The following PIP variants were observed in gnomAD, a reference collection of about 807,000 sequenced individuals.
The protein encoded by PIP is prolactin induced protein.
In PIP, 9 loss-of-function variants were observed where a neutral mutation model predicts 12.8. The observed-to-expected ratio is 0.70, with a 90% CI of 0.42 to 1.23. PIP has a LOEUF of 1.23. Among genes scored for constraint, PIP ranks in the 50% most tolerant of loss-of-function variants. The pLI is 0.00. For missense variants in PIP, 172 were observed against 179.5 expected, an observed-to-expected ratio of 0.96 and a Z score of 0.24; for synonymous variants, 60 against 66.1, an observed-to-expected ratio of 0.91 and a Z score of 0.45.
chr7:143,132,082 T>G lies in PIP; in HGVS notation c.-35T>G, dbSNP rs1435094949. On this transcript the variant is annotated 5_prime_UTR_variant, in exon 1 of 4. Transcript: ENST00000291009. ...ATGTGCTGGGCACCTGGGACACCAC[T>G]TCTCTGGGACACATTGCCTTCTGTT... 2.5e-6 allele frequency: 4 copies of G among 1,611,988 alleles called. No individual in the cohort carries two copies. Among genetic ancestry groups the G allele is most frequent in the East Asian group, 4.5e-5 (2 of 44,856 alleles).
At chr7:143,133,761 T>C (rs1799268833) in intron 1 of PIP, among the ~76,000 whole-genome samples, 1 of 152,014 alleles carries the variant, frequency 6.6e-6, no homozygotes, top group Non-Finnish European at 1.5e-5. Flanking sequence ...TCTTCAAAGA[T>C]GCTCCTACAA....
chr7:143,137,141 T>C (rs1799317706), intron 2 of PIP, among the ~76,000 whole-genome samples: 1 of 152,050 alleles, frequency 6.6e-6, no homozygotes, highest in African/African-American at 2.4e-5. Flanking sequence ...ATATAAAGAT[T>C]GCATAATCCT....
At chr7:143,139,276 G>A in intron 3 of PIP, 87 bp downstream of exon 3, 1 of 915,090 alleles carries the variant, frequency 1.1e-6, no homozygotes, top group East Asian at 2.4e-5. Flanking sequence ...TGCGAACCGA[G>A]CAGGACCAGG....
chr7:143,134,233 T>TATATATATATAA (rs1277832613), intron 1 of PIP, among the ~76,000 whole-genome samples: 8 of 86,374 alleles, frequency 9.3e-5, no homozygotes, highest in African/African-American at 2.8e-4. Context: ...TATATATATA[T>TATATATATATAA]ACCACAGTTT....
chr7:143,132,186 G>C lies in PIP; in HGVS notation c.70G>C (p.Gly24Arg). Residue 24 changes from glycine to arginine, a missense_variant, in exon 1 of 4, where the codon GGG (glycine) becomes CGG (arginine). Physicochemically the swap from Gly to Arg is moderately radical, Grantham distance 125. Transcript: ENST00000291009. ...GCTCCTGGTTCTCTGCCTGCAGTTG[G>C]GGGCCAACAAAGCTCAGGACAACAC... ...TLLLVLCLQL[G>R]ANKAQDNTRK... 1 of 1,613,518 alleles carries C rather than the reference G, an allele frequency of 6.2e-7. No homozygotes were observed. Among genetic ancestry groups the C allele is most frequent in the Non-Finnish European group, 8.5e-7 (1 of 1,179,526 alleles).
Position 143,139,655 on chromosome 7 carries a change from C to G in PIP, c.*13C>G. The stretch of plus-strand genomic sequence containing the variant: ...AAAGGTAGAATAATGGAAGCCCTGT[C>G]TGTTTGCCACACCCAGGTGATTTCC... On this transcript the variant is annotated 3_prime_UTR_variant, in exon 4 of 4. Coordinates refer to ENST00000291009, the MANE Select transcript of PIP (RefSeq NM_002652.3). The G allele has an allele frequency of 6.2e-7, 1 of 1,602,192 alleles. No homozygotes were observed. Among genetic ancestry groups the G allele is most frequent in the Non-Finnish European group, 8.5e-7 (1 of 1,170,350 alleles).
At chr7:143,137,843 T>C (rs1347018490) in intron 2 of PIP, among the ~76,000 whole-genome samples, 1 of 150,642 alleles carries the variant, frequency 6.6e-6, no homozygotes, top group Non-Finnish European at 1.5e-5. Flanking sequence ...GAGGTTGCAG[T>C]GAGCCACGTT....
intron 2 of PIP, among the ~76,000 whole-genome samples, chr7:143,138,095 C>T (rs575604795): frequency 6.6e-6 from 1 of 152,070 alleles, no homozygotes; most frequent in Admixed American, 6.6e-5. Flanking sequence ...GGCACTGGGC[C>T]TCAGTCGTGA....
intron 3 of PIP, 58 bp from the exon 4 acceptor site, chr7:143,139,459 GA>G (rs1297884975): frequency 6.3e-7 from 1 of 1,595,510 alleles, no homozygotes; most frequent in Non-Finnish European, 8.6e-7. Flanking sequence ...GATATGAGTA[GA>G]AAAGACAGGA....
Position 143,139,144 on chromosome 7 carries a change from T to C in PIP, c.271T>C (p.Cys91Arg), listed in dbSNP as rs1474024108. The change falls in exon 3 of 4, where the codon TGT becomes CGT. Residue 91 changes from cysteine (C) to arginine (R), a missense_variant. Coordinates refer to ENST00000291009, the MANE Select transcript of PIP (RefSeq NM_002652.3). ...TAACTATAAGTATACTGCCTGCCTA[T>C]GTGACGACAATCCAAAAACCTTCTA... ...AFNYKYTACL[C>R]DDNPKTFYWD... 6 of 1,605,694 alleles carry C rather than the reference T, an allele frequency of 3.7e-6. No homozygotes were observed. Among genetic ancestry groups the C allele is most frequent in the African/African-American group, 2.7e-5 (2 of 74,848 alleles).
intron 1 of PIP, among the ~76,000 whole-genome samples, chr7:143,133,226 TCCA>T (rs1294314914): frequency 6.6e-6 from 1 of 151,914 alleles, no homozygotes; most frequent in Non-Finnish European, 1.5e-5. Context: ...CCCCGCCACC[TCCA>T]CAACCCATTC....
At chr7:143,134,103 A>G (rs915608899) in intron 1 of PIP, among the ~76,000 whole-genome samples, 1 of 148,240 alleles carries the variant, frequency 6.7e-6, no homozygotes, top group Non-Finnish European at 1.5e-5. Context: ...TTCACTTAGA[A>G]TAATAGTCTC....
chr7:143,132,328 C>T, intron 1 of PIP, 117 bp downstream of exon 1: 1 of 1,172,576 alleles, frequency 8.5e-7, no homozygotes, highest in Middle Eastern at 2.0e-4. Flanking sequence ...ACTCTAGTCC[C>T]AGGAGCTCCC....
In PIP at chr7:143,139,696, C is replaced by A. The variant is rs914189279; in HGVS notation, c.*54C>A. 2 of 1,537,688 alleles carry A rather than the reference C, an allele frequency of 1.3e-6. No individual in the cohort carries two copies. Among genetic ancestry groups the A allele is most frequent in the Non-Finnish European group, 1.8e-6 (2 of 1,117,332 alleles). ...GGTGATTTCCTCTAAAGAAACTTGG[C>A]TGGAATTTCTGCTGTGGTCTATAAA... On this transcript the variant is annotated 3_prime_UTR_variant, in exon 4 of 4. Transcript: ENST00000291009.
chr7:143,138,389 T>G (rs896848074), intron 2 of PIP, among the ~76,000 whole-genome samples: 4 of 152,088 alleles, frequency 2.6e-5, no homozygotes, highest in African/African-American at 9.7e-5. Flanking sequence ...GACCCCAGGA[T>G]AAAACTGCTG....
Position 143,132,161 on chromosome 7 carries a change from G to A in PIP, c.45G>A (p.Leu15=). Residue 15 remains leucine (L), a synonymous_variant, in exon 1 of 4, where the codon CTG becomes CTA. Transcript: ENST00000291009. The stretch of plus-strand genomic sequence containing the variant: ...TGTTCAGGGCCAGCCCTGCCACCCT[G>A]CTCCTGGTTCTCTGCCTGCAGTTGG... The part of the protein sequence containing the change: ...QLLFRASPAT[L]LLVLCLQLGA... The A allele has an allele frequency of 1.9e-6, 3 of 1,612,792 alleles. No individual in the cohort carries two copies. Among genetic ancestry groups the A allele is most frequent in the Non-Finnish European group, 2.5e-6 (3 of 1,178,836 alleles).
chr7:143,135,134 C>A, intron 1 of PIP, 60 bp from the exon 2 acceptor site: 1 of 840,374 alleles, frequency 1.2e-6, no homozygotes, highest in Admixed American at 1.9e-5. Context: ...TCATGGCTCC[C>A]CCCTCACTCA....
rs1384823397 is a variant in PIP, at chr7:143,139,671, G to A, written c.*29G>A. 2 of 1,588,064 alleles carry A rather than the reference G, an allele frequency of 1.3e-6. No individual in the cohort carries two copies. The highest frequency in any genetic ancestry group is 2.2e-5 in the East Asian group (1 of 44,450). ...AAGCCCTGTCTGTTTGCCACACCCA[G>A]GTGATTTCCTCTAAAGAAACTTGGC... On this transcript the variant is annotated 3_prime_UTR_variant, in exon 4 of 4. Coordinates refer to ENST00000291009, the MANE Select transcript of PIP (RefSeq NM_002652.3).
chr7:143,139,729 T>G lies in PIP; in HGVS notation c.*87T>G, dbSNP rs1799350028. On this transcript the variant is annotated 3_prime_UTR_variant, in exon 4 of 4. Transcript: ENST00000291009. ...TCTGCTGTGGTCTATAAAATAAACT[T>G]CTTAACATGCTTCTCCATGTTCTGT... The G allele has an allele frequency of 7.7e-7, 1 of 1,293,922 alleles. No homozygotes were observed. Among genetic ancestry groups the G allele is most frequent in the African/African-American group, 1.5e-5 (1 of 67,598 alleles). 80.2% of individuals were successfully genotyped at this position (1,293,922 alleles called of 1,614,324 possible).
Sources: allele counts gnomAD v4.1 joint callset (sites outside exome capture counted in the v4.1 genomes callset), GRCh38; gene constraint gnomAD v4.1.1; transcripts MANE v1.5; gene names NCBI Gene and HGNC (gene_info 2026-07-23, HGNC 2026-07-21).